Variants in COL12A1 observed in about 807,000 individuals in gnomAD.
The protein encoded by COL12A1 is collagen alpha-1(XII) chain.
Under a neutral mutation model 349.7 loss-of-function variants are expected in COL12A1, and 114 were observed. That is an observed-to-expected ratio of 0.33 (90% CI 0.28 to 0.38). The LOEUF (loss-of-function observed/expected upper bound fraction) is 0.38, where lower values mean the gene tolerates loss of function less well. Among genes scored for constraint, COL12A1 ranks in the 10% least tolerant of loss-of-function variants. COL12A1 has a pLI of 1.00. For synonymous variants in COL12A1, 1,369 were observed against 1,329.0 expected (o/e 1.03, Z -0.66); for missense variants, 3,284 against 3,756.9 (o/e 0.87, Z 3.29).
chr6:75,202,395 G>A (rs1274725827), intron 2 of COL12A1, among the ~76,000 whole-genome samples: 1 of 152,230 alleles, frequency 6.6e-6, no homozygotes, highest in Non-Finnish European at 1.5e-5. Context: ...GCGCTGATTA[G>A]AGCCGTCGCC....
chr6:75,160,916 T>C (rs1767995173), intron 14 of COL12A1, among the ~76,000 whole-genome samples: 1 of 152,128 alleles, frequency 6.6e-6, no homozygotes, highest in Non-Finnish European at 1.5e-5. Context: ...ACACTTCTCA[T>C]AAGAAACACT....
intron 17 of COL12A1, among the ~76,000 whole-genome samples, 161 bp from the exon 18 acceptor site, chr6:75,152,643 C>T (rs1466818695): frequency 6.6e-6 from 1 of 152,144 alleles, no homozygotes; most frequent in East Asian, 1.9e-4. Context: ...ATATGTCCAT[C>T]TGATTTATTA....
rs746250737 is a variant in COL12A1, at chr6:75,124,091, G to A, written c.6728C>T (p.Thr2243Ile). ...ACGCACTGTAATTTCTTGTCCCCTT[G>A]TTCCTGATTATGACAACAAAGGAAA... is the stretch of plus-strand genomic sequence containing the variant. ...YRLKLSPADG[T>I]RGQEITVRGS... is the part of the protein sequence containing the mutation. Residue 2243 changes from threonine to isoleucine, a missense_variant, in exon 42 of 66, where the codon ACA becomes ATA. Thr to Ile is a moderately conservative substitution (Grantham distance 89, BLOSUM62 -1). This residue lies in a region of COL12A1 where 2,601 missense variants were observed against 2,824.8 expected (regional missense o/e 0.92). Coordinates refer to ENST00000322507, the MANE Select transcript of COL12A1 (RefSeq NM_004370.6). The A allele has an allele frequency of 9.9e-6, 16 of 1,612,394 alleles. No homozygotes were observed. The highest frequency in any genetic ancestry group is 1.4e-5 in the Non-Finnish European group (16 of 1,178,902).
At chr6:75,194,970 T>C (rs1257417342) in intron 2 of COL12A1, 23 bp from the exon 3 acceptor site, 2 of 1,357,948 alleles carry the variant, frequency 1.5e-6, no homozygotes, top group African/African-American at 2.9e-5. Flanking sequence ...GAGTTTATAT[T>C]ATTAAACTTT....
intron 13 of COL12A1, among the ~76,000 whole-genome samples, chr6:75,171,017 C>T (rs1002153222): frequency 6.6e-6 from 1 of 152,196 alleles, no homozygotes; most frequent in Non-Finnish European, 1.5e-5. Flanking sequence ...ACATATTATT[C>T]TTCAAATTGA....
intron 51 of COL12A1, 129 bp downstream of exon 51, chr6:75,113,075 C>T (rs1480444343): frequency 2.0e-6 from 1 of 492,370 alleles, no homozygotes; most frequent in Non-Finnish European, 3.4e-6. Context: ...ACCAAATTCT[C>T]TAAAACAAGA....
At chr6:75,172,208 T>C (rs1272394534) in intron 13 of COL12A1, among the ~76,000 whole-genome samples, 1 of 152,208 alleles carries the variant, frequency 6.6e-6, no homozygotes, top group Non-Finnish European at 1.5e-5. Flanking sequence ...TATAATATTA[T>C]AAACAATTGA....
intron 21 of COL12A1, among the ~76,000 whole-genome samples, chr6:75,149,745 T>A (rs929783379): frequency 1.3e-5 from 2 of 152,128 alleles, no homozygotes; most frequent in African/African-American, 4.8e-5. Context: ...TAACTTTTAT[T>A]GTACTTGGGT....
intron 5 of COL12A1, among the ~76,000 whole-genome samples, chr6:75,191,235 A>G (rs1324321968): frequency 6.6e-6 from 1 of 152,048 alleles, no homozygotes; most frequent in African/African-American, 2.4e-5. Context: ...AGAGAAGAGC[A>G]TAACATACAC....
intron 2 of COL12A1, among the ~76,000 whole-genome samples, chr6:75,201,141 C>G (rs1245501487): frequency 6.6e-6 from 1 of 152,164 alleles, no homozygotes; most frequent in Non-Finnish European, 1.5e-5. Flanking sequence ...GAATTCTCAA[C>G]TCTTTCTGAT....
chr6:75,189,012 T>C (rs1240894477), intron 7 of COL12A1, among the ~76,000 whole-genome samples: 2 of 152,042 alleles, frequency 1.3e-5, no homozygotes, highest in African/African-American at 4.8e-5. Flanking sequence ...CCTTCCTAAA[T>C]ACATATGCTA....
intron 51 of COL12A1, among the ~76,000 whole-genome samples, chr6:75,109,664 C>T (rs1408126665): frequency 1.3e-5 from 2 of 152,094 alleles, no homozygotes; most frequent in South Asian, 2.1e-4. Context: ...AGAACTAGCA[C>T]ATGTCTTCTA....
intron 13 of COL12A1, among the ~76,000 whole-genome samples, chr6:75,167,853 T>C (rs1582166355): frequency 6.6e-6 from 1 of 152,302 alleles, no homozygotes; most frequent in East Asian, 1.9e-4. Flanking sequence ...TTTCCCAAGG[T>C]TTATCGATAT....
chr6:75,163,500 C>T (rs776035736), intron 14 of COL12A1, among the ~76,000 whole-genome samples: 32 of 151,888 alleles, frequency 2.1e-4, no homozygotes, highest in African/African-American at 6.3e-4. Context: ...CCTCACACAC[C>T]GGGGCCTGTA....
rs952630355 is a variant in COL12A1 at position 75,134,074 on chromosome 6, C to G, written c.5525-77G>C. 12 of 1,486,988 alleles carry G rather than the reference C, an allele frequency of 8.1e-6. No homozygotes were observed. The African/African-American group carries it at 1.7e-4, about 21-fold the overall frequency. 92.1% of individuals were successfully genotyped at this position (1,486,988 alleles called of 1,614,324 possible). ...ATGAAACACAGATTCACTGATATCT[C>G]CCAGGCACCCTAGAACATAGCAGGC... On this transcript the variant is annotated intron_variant, in intron 32 of 65. Transcript: ENST00000322507.
At chr6:75,166,020 G>A (rs1768282327) in intron 13 of COL12A1, among the ~76,000 whole-genome samples, 1 of 151,952 alleles carries the variant, frequency 6.6e-6, no homozygotes, top group Non-Finnish European at 1.5e-5. Flanking sequence ...TGCCTAGTCA[G>A]ATAATCTTGT....
chr6:75,085,186 T>A lies in COL12A1; in HGVS notation c.*1361A>T, dbSNP rs775017260. On this transcript the variant is annotated 3_prime_UTR_variant, in exon 66 of 66. Transcript: ENST00000322507. ...GCCTCGCGGCGCGGCGCGTGATCTC[T>A]GGTTCACTGCCCGGGTCCGTGGGGC... 4 of 464,948 alleles carry A rather than the reference T, an allele frequency of 8.6e-6. No homozygotes were observed. Among genetic ancestry groups the A allele is most frequent in the South Asian group, 6.2e-5 (4 of 64,400 alleles). The allele number at this position is 464,948 out of a possible 1,614,324, so 28.8% of individuals were successfully genotyped here. A position where few individuals can be genotyped will look rare whatever the true frequency, so the allele number is the denominator to read the frequency against.
At chr6:75,193,647 T>C (rs1315720188) in intron 3 of COL12A1, among the ~76,000 whole-genome samples, 2 of 152,190 alleles carry the variant, frequency 1.3e-5, no homozygotes, top group Non-Finnish European at 2.9e-5. Flanking sequence ...TTGTTACGTA[T>C]GTATACATGT....
intron 14 of COL12A1, among the ~76,000 whole-genome samples, chr6:75,159,768 T>C (rs1211029484): frequency 2.0e-5 from 3 of 151,286 alleles, no homozygotes; most frequent in Non-Finnish European, 4.4e-5. Context: ...TTAAATCTTA[T>C]GAATGTTGAT....
Sources: gnomAD v4.1 joint callset for allele counts (sites outside exome capture counted in the v4.1 genomes callset) on GRCh38, gnomAD v4.1.1 for gene constraint, gnomAD v4.1.1 regional missense constraint, MANE v1.5 for transcripts, NCBI Gene and HGNC (gene_info 2026-07-23, HGNC 2026-07-21) for gene names.